DYTN: variants seen among roughly 807,000 people sequenced by gnomAD.
DYTN encodes dystrotelin.
In DYTN, 75 loss-of-function variants were observed where a neutral mutation model predicts 69.6. That is an observed-to-expected ratio of 1.08 (90% confidence interval 0.89 to 1.31). DYTN has a LOEUF of 1.31. Among genes scored for constraint, DYTN ranks in the 50% most tolerant of loss-of-function variants. The pLI, the probability that DYTN is intolerant of heterozygous loss-of-function variation, is 0.00. For synonymous variants in DYTN, 252 were observed against 249.1 expected, an observed-to-expected ratio of 1.01 and a Z score of -0.11; for missense variants, 726 against 688.4, an observed-to-expected ratio of 1.05 and a Z score of -0.61.
chr2:206,664,875 AT>A (rs1699552942), intron 10 of DYTN, among the ~76,000 whole-genome samples: 1 of 152,152 alleles, frequency 6.6e-6, no homozygotes, highest in South Asian at 2.1e-4. Flanking sequence ...GTGAACCAAT[AT>A]TTTCCAAATG....
At position 206,712,666 on chromosome 2, in the gene DYTN, T is replaced by G. The variant is rs78140931; in HGVS notation, c.20-2068A>C. Among the ~76,000 whole-genome samples, 608 of 152,258 alleles carry G rather than the reference T, an allele frequency of 4.0e-3. 5 individuals carry two copies. Among genetic ancestry groups the G allele is most frequent in the Non-Finnish European group, 7.5e-3 (507 of 68,014 alleles). On this transcript the variant is annotated intron_variant, in intron 1 of 11. Coordinates refer to ENST00000452335, the MANE Select transcript of DYTN (RefSeq NM_001093730.1). ...CAAAGTCCCTCTCAGAGGGCACATGTTCCCTTAGCCACCCAGCATCCATTT... is the reference window on the plus strand; with the variant it reads ...CAAAGTCCCTCTCAGAGGGCACATGGTCCCTTAGCCACCCAGCATCCATTT...
intron 9 of DYTN, chr2:206,686,811 CACG>C (rs1699814679): frequency 6.6e-6 from 1 of 152,322 alleles, no homozygotes; most frequent in African/African-American, 2.4e-5. Flanking sequence ...TAAGCAGCTG[CACG>C]ATGACACAAT....
intron 11 of DYTN, among the ~76,000 whole-genome samples, chr2:206,661,233 G>T (rs1699507923): frequency 6.6e-6 from 1 of 152,142 alleles, no homozygotes; most frequent in African/African-American, 2.4e-5. Flanking sequence ...ATATATTTTG[G>T]TTCTTCGTTT....
chr2:206,682,056 T>C (rs1363839573), intron 9 of DYTN, among the ~76,000 whole-genome samples: 1 of 152,106 alleles, frequency 6.6e-6, no homozygotes, highest in Non-Finnish European at 1.5e-5. Flanking sequence ...ATTTCAGAAC[T>C]TGTTATTGGT....
intron 9 of DYTN, among the ~76,000 whole-genome samples, chr2:206,674,122 T>C (rs529851047): frequency 6.6e-6 from 1 of 152,206 alleles, no homozygotes; most frequent in Non-Finnish European, 1.5e-5. Context: ...ATTGGGCATA[T>C]TAAATAGACC....
chr2:206,697,405 T>C (rs949338208), intron 7 of DYTN, among the ~76,000 whole-genome samples: 2 of 152,190 alleles, frequency 1.3e-5, no homozygotes, highest in African/African-American at 4.8e-5. Flanking sequence ...ACCTTCTCTT[T>C]CTTTAGAAGG....
intron 1 of DYTN, among the ~76,000 whole-genome samples, chr2:206,717,008 A>G (rs1378335456): frequency 6.7e-6 from 1 of 149,924 alleles, no homozygotes; most frequent in Non-Finnish European, 1.5e-5. Flanking sequence ...CCACTTCCTC[A>G]AGGCTAACTT....
intron 9 of DYTN, among the ~76,000 whole-genome samples, chr2:206,690,118 A>G (rs1306688745): frequency 6.6e-6 from 1 of 152,172 alleles, no homozygotes; most frequent in African/African-American, 2.4e-5. Context: ...GAGTGAGGAA[A>G]GTGGTTGAAT....
chr2:206,656,811 G>A (rs1406732969), intron 11 of DYTN, among the ~76,000 whole-genome samples: 5 of 148,328 alleles, frequency 3.4e-5, no homozygotes, highest in African/African-American at 1.2e-4. Flanking sequence ...TGCCCAGGCT[G>A]GAGTGCAATG....
In DYTN at chr2:206,663,337, AC is replaced by A; in HGVS notation, c.1198del (p.Val400LeufsTer88). The A allele has an allele frequency of 6.2e-7, 1 of 1,613,242 alleles. No individual in the cohort carries two copies. The highest frequency in any genetic ancestry group is 8.5e-7 in the Non-Finnish European group (1 of 1,179,680). On this transcript the variant is annotated frameshift_variant, in exon 11 of 12. Transcript: ENST00000452335. LOFTEE classifies it high-confidence loss of function. ...SSSFQNVGNKVDHSSTEKVPK... is the reference protein window; with the variant it reads ...SSSFQNVGNKXDHSSTEKVPK... Reference sequence around the variant, plus strand: ...AACCTTTTCAGTTGAAGAATGGTCAACCTTGTTCCCCACATTTTGAAAGGAA... The same window carrying A: ...AACCTTTTCAGTTGAAGAATGGTCAACTTGTTCCCCACATTTTGAAAGGAA...
chr2:206,686,136 G>A (rs1699803094), intron 9 of DYTN, among the ~76,000 whole-genome samples: 1 of 151,858 alleles, frequency 6.6e-6, no homozygotes, highest in Admixed American at 6.6e-5. Flanking sequence ...GCGAGTCAGA[G>A]AGAAGTTTCC....
At position 206,707,509 on chromosome 2, in the gene DYTN, G is replaced by A. The variant is rs35606220; in HGVS notation, c.95-6C>T. On this transcript the variant is annotated splice_polypyrimidine_tract_variant and splice_region_variant and intron_variant, in intron 2 of 11. Coordinates refer to ENST00000452335, the MANE Select transcript of DYTN (RefSeq NM_001093730.1). ...GGAGCTGTCAATCAAGTCCACTGTA[G>A]GAAGCAAATGAAGAATTGAGCCTTA... is the stretch of plus-strand genomic sequence containing the variant. 2.5e-6 allele frequency: 4 copies of A among 1,603,392 alleles called. No homozygotes were observed. In the African/African-American group the frequency reaches 4.0e-5, roughly 16 times the overall value.
At chr2:206,659,501 A>AAAAAC (rs1553571269) in intron 11 of DYTN, among the ~76,000 whole-genome samples, 28 of 150,654 alleles carry the variant, frequency 1.9e-4, no homozygotes, top group African/African-American at 6.6e-4. Flanking sequence ...AAAAAAAAAA[A>AAAAAC]AAAAAAAAAA....
At chr2:206,712,557 T>C (rs12052769) in intron 1 of DYTN, among the ~76,000 whole-genome samples, 76,930 of 152,084 alleles carry the variant, frequency 0.51, 22,112 homozygotes, top group East Asian at 0.8. Flanking sequence ...TTCCAGAATG[T>C]ATGGGTCAGG....
chr2:206,717,863 CT>C (rs1224709462), intron 1 of DYTN, among the ~76,000 whole-genome samples: 3 of 152,120 alleles, frequency 2.0e-5, no homozygotes, highest in African/African-American at 4.8e-5. Context: ...ACTGTGAGAC[CT>C]TTCTCCCAAC....
At chr2:206,675,353 G>A (rs888013660) in intron 9 of DYTN, among the ~76,000 whole-genome samples, 3 of 147,994 alleles carry the variant, frequency 2.0e-5, no homozygotes, top group African/African-American at 7.4e-5. Flanking sequence ...TTTTCAGATT[G>A]TGTGATTGTC....
chr2:206,685,938 A>G lies in DYTN; in HGVS notation c.980+7237T>C, dbSNP rs538120547. 2.6e-5 allele frequency among the ~76,000 whole-genome samples: 4 copies of G among 151,738 alleles called. No individual in the cohort carries two copies. The South Asian group carries it at 8.4e-4, about 32-fold the overall frequency. Reference sequence around the variant, plus strand: ...TTTTCTCAGTTCCCTAAAAATGTTGAAGTTATATTGAAAAATGTTATAAAA... The same window carrying G: ...TTTTCTCAGTTCCCTAAAAATGTTGGAGTTATATTGAAAAATGTTATAAAA... On this transcript the variant is annotated intron_variant, in intron 9 of 11. Coordinates refer to ENST00000452335, the MANE Select transcript of DYTN (RefSeq NM_001093730.1).
chr2:206,681,001 A>G (rs1464158518), intron 9 of DYTN, among the ~76,000 whole-genome samples: 1 of 152,148 alleles, frequency 6.6e-6, no homozygotes, highest in Non-Finnish European at 1.5e-5. Flanking sequence ...TGGTTCTTCT[A>G]TTCATGAGGA....
At chr2:206,658,984 C>CT (rs35131832) in intron 11 of DYTN, among the ~76,000 whole-genome samples, 21,487 of 139,960 alleles carry the variant, frequency 0.15, 1,788 homozygotes, top group East Asian at 0.33. Flanking sequence ...AACAAGAGGA[C>CT]TTTTTTTTTT....
Sources: allele counts gnomAD v4.1 joint callset (sites outside exome capture counted in the v4.1 genomes callset), GRCh38; gene constraint gnomAD v4.1.1; transcripts MANE v1.5; gene names NCBI Gene and HGNC (gene_info 2026-07-23, HGNC 2026-07-21).